BMPER: variants seen among roughly 807,000 people sequenced by gnomAD.
BMPER encodes the protein BMP-binding endothelial regulator protein.
BMPER carries 45 observed loss-of-function variants against 87.3 expected under a neutral mutation model. The ratio of observed to expected loss-of-function variants is 0.52; its 90% confidence interval spans 0.41 to 0.66. The LOEUF (loss-of-function observed/expected upper bound fraction) is 0.66. Ranked by LOEUF, BMPER falls within the 30% of genes least tolerant of loss-of-function variation. BMPER has a pLI of 0.00. For synonymous variants in BMPER, 326 were observed against 316.2 expected, an observed-to-expected ratio of 1.03 and a Z score of -0.33; for missense variants, 784 against 867.5, an observed-to-expected ratio of 0.90 and a Z score of 1.21.
chr7:33,967,029 C>A (rs1487808533), intron 4 of BMPER, among the ~76,000 whole-genome samples: 1 of 152,130 alleles, frequency 6.6e-6, no homozygotes, highest in African/African-American at 2.4e-5. Context: ...TTCAACCTGA[C>A]AAATTAAAAA....
intron 6 of BMPER, among the ~76,000 whole-genome samples, chr7:33,995,521 C>G (rs1786383074): frequency 6.6e-6 from 1 of 152,152 alleles, no homozygotes. Context: ...GTTGTACAAT[C>G]TTATATTCCT....
intron 5 of BMPER, 79 bp downstream of exon 5, chr7:33,970,498 T>C (rs1562659900): frequency 1.4e-6 from 2 of 1,461,862 alleles, no homozygotes; most frequent in Non-Finnish European, 1.9e-6. Flanking sequence ...CCCCTCTTGT[T>C]GGAAATTTTC....
intron 11 of BMPER, among the ~76,000 whole-genome samples, chr7:34,065,648 T>G (rs575909573): frequency 6.6e-6 from 1 of 152,356 alleles, no homozygotes; most frequent in South Asian, 2.1e-4. Flanking sequence ...TTCTGTATTT[T>G]AATTCTCTAA....
intron 13 of BMPER, among the ~76,000 whole-genome samples, chr7:34,109,344 A>G (rs1789902869): frequency 6.6e-6 from 1 of 152,228 alleles, no homozygotes; most frequent in South Asian, 2.1e-4. Flanking sequence ...TGAGGCCCAC[A>G]TCCATTAGGA....
At chr7:34,148,130 T>A (rs1791077454) in intron 14 of BMPER, among the ~76,000 whole-genome samples, 1 of 152,124 alleles carries the variant, frequency 6.6e-6, no homozygotes, top group African/African-American at 2.4e-5. Flanking sequence ...AAACCAAGGA[T>A]CCGCCCTTCC....
intron 6 of BMPER, among the ~76,000 whole-genome samples, chr7:34,031,883 C>CATATATATAT (rs757962483): frequency 3.8e-5 from 2 of 53,062 alleles, no homozygotes; most frequent in Non-Finnish European, 7.1e-5. Context: ...TTAATTTGAC[C>CATATATATAT]ATATATATAT....
At chr7:33,963,151 A>G (rs1785313575) in intron 3 of BMPER, among the ~76,000 whole-genome samples, 2 of 152,190 alleles carry the variant, frequency 1.3e-5, no homozygotes, top group Admixed American at 1.3e-4. Context: ...CTGTAAAAAG[A>G]AGGAGATAAC....
At chr7:34,134,453 T>C (rs763813470) in intron 13 of BMPER, among the ~76,000 whole-genome samples, 1 of 152,116 alleles carries the variant, frequency 6.6e-6, no homozygotes, top group Admixed American at 6.5e-5. Context: ...CGGGCTCTGC[T>C]AGGATGGGGC....
chr7:34,107,101 T>C (rs1388706827), intron 13 of BMPER, among the ~76,000 whole-genome samples: 1 of 152,218 alleles, frequency 6.6e-6, no homozygotes, highest in Non-Finnish European at 1.5e-5. Context: ...TGTCCTTTCT[T>C]TGGCTTATTT....
chr7:34,046,850 A>G (rs1396373782), intron 7 of BMPER, among the ~76,000 whole-genome samples: 1 of 152,190 alleles, frequency 6.6e-6, no homozygotes, highest in Non-Finnish European at 1.5e-5. Flanking sequence ...ATAGTGAATA[A>G]TAGCCAACAG....
At chr7:34,126,189 G>A (rs1790397287) in intron 13 of BMPER, among the ~76,000 whole-genome samples, 2 of 152,190 alleles carry the variant, frequency 1.3e-5, no homozygotes, top group Non-Finnish European at 2.9e-5. Context: ...AAAGGAGAGA[G>A]CCACCCCTTC....
rs377426361 is a variant in BMPER, at chr7:33,933,969, G to A, written c.220-3320G>A. 1.3e-3 allele frequency among the ~76,000 whole-genome samples: 197 copies of A among 152,304 alleles called. 1 individual carries two copies. Among genetic ancestry groups the A allele is most frequent in the African/African-American group, 4.6e-3 (193 of 41,554 alleles). On this transcript the variant is annotated intron_variant, in intron 2 of 14. Coordinates refer to ENST00000649409, the MANE Select transcript of BMPER (RefSeq NM_001365308.1). ...ATGCACATAAGATTCTTAGCACAGA[G>A]CCTGAACACACAGAGAATGAGTTCA...
chr7:34,054,777 G>A (rs532086796), intron 8 of BMPER, among the ~76,000 whole-genome samples: 16 of 152,316 alleles, frequency 1.1e-4, no homozygotes, highest in Admixed American at 4.6e-4. Flanking sequence ...GCATAAAGCC[G>A]TGGAGGAGAC....
At chr7:33,970,230 T>G in intron 4 of BMPER, 99 bp from the exon 5 acceptor site, 1 of 1,239,706 alleles carries the variant, frequency 8.1e-7, no homozygotes, top group Non-Finnish European at 1.2e-6. Flanking sequence ...ACCTTGTGGT[T>G]TTTGTGCTTG....
intron 3 of BMPER, among the ~76,000 whole-genome samples, chr7:33,945,243 CTT>C (rs376447828): frequency 3.7e-5 from 3 of 81,766 alleles, no homozygotes; most frequent in East Asian, 4.4e-4. Context: ...GCCTGGACTT[CTT>C]TTTTTTTTTT....
intron 6 of BMPER, among the ~76,000 whole-genome samples, chr7:34,045,009 G>A (rs1562707534): frequency 6.6e-6 from 1 of 152,124 alleles, no homozygotes. Context: ...GCATCAGATG[G>A]AATCTTTCCC....
intron 11 of BMPER, among the ~76,000 whole-genome samples, chr7:34,066,071 G>A (rs1788580731): frequency 6.6e-6 from 1 of 152,136 alleles, no homozygotes; most frequent in African/African-American, 2.4e-5. Flanking sequence ...CTCCCTTATT[G>A]CCTGGGTTAG....
chr7:33,971,460 T>C (rs1487576605), intron 5 of BMPER, among the ~76,000 whole-genome samples: 1 of 152,254 alleles, frequency 6.6e-6, no homozygotes, highest in Non-Finnish European at 1.5e-5. Flanking sequence ...AAAGCTTGTA[T>C]TGTTCATGAG....
chr7:34,151,374 A>C (rs1312961072), intron 14 of BMPER, among the ~76,000 whole-genome samples: 1 of 152,240 alleles, frequency 6.6e-6, no homozygotes, highest in African/African-American at 2.4e-5. Flanking sequence ...CAAGGAGCTT[A>C]CATTTTAGTG....
Sources: allele counts gnomAD v4.1 joint callset (sites outside exome capture counted in the v4.1 genomes callset), GRCh38; gene constraint gnomAD v4.1.1; transcripts MANE v1.5; gene names NCBI Gene and HGNC (gene_info 2026-07-23, HGNC 2026-07-21).